RHOBTB1: variants seen among roughly 807,000 people sequenced by gnomAD.
RHOBTB1 encodes the protein Rho related BTB domain containing 1.
RHOBTB1 carries 40 observed loss-of-function variants against 71.6 expected under a neutral mutation model. The ratio of observed to expected loss-of-function variants is 0.56; its 90% confidence interval spans 0.43 to 0.73. The LOEUF (loss-of-function observed/expected upper bound fraction) is 0.73. Among genes scored for constraint, RHOBTB1 ranks in the 30% least tolerant of loss-of-function variants. RHOBTB1 has a pLI of 0.00. For synonymous variants in RHOBTB1, 319 were observed against 334.9 expected, an observed-to-expected ratio of 0.95 and a Z score of 0.52; for missense variants, 797 against 894.0, an observed-to-expected ratio of 0.89 and a Z score of 1.38.
At chr10:60,966,863 G>C (rs2134607333) in intron 2 of RHOBTB1, among the ~76,000 whole-genome samples, 1 of 145,942 alleles carries the variant, frequency 6.9e-6, no homozygotes, top group South Asian at 2.2e-4. Context: ...ACAGGCCCCA[G>C]TGTGTGATGT....
intron 2 of RHOBTB1, among the ~76,000 whole-genome samples, chr10:60,984,226 A>G (rs2086591746): frequency 6.6e-6 from 1 of 152,244 alleles, no homozygotes; most frequent in East Asian, 1.9e-4. Context: ...TCAAAGCAAA[A>G]AAATCATTGA....
intron 4 of RHOBTB1, among the ~76,000 whole-genome samples, chr10:60,901,469 C>T (rs2082410348): frequency 6.6e-6 from 1 of 152,106 alleles, no homozygotes; most frequent in African/African-American, 2.4e-5. Flanking sequence ...TGGCAGAACA[C>T]TTTCATCAAG....
At chr10:60,880,177 C>CTGTGTGTGTGTGTGTGTG (rs1554829436) in intron 7 of RHOBTB1, among the ~76,000 whole-genome samples, 3 of 100,558 alleles carry the variant, frequency 3.0e-5, no homozygotes, top group Non-Finnish European at 6.0e-5. Flanking sequence ...TGAGGGATGA[C>CTGTGTGTGTGTGTGTGTG]TGTGTGTGTG....
chr10:60,985,691 G>A (rs746284601), intron 2 of RHOBTB1, among the ~76,000 whole-genome samples: 5 of 152,034 alleles, frequency 3.3e-5, no homozygotes, highest in South Asian at 2.1e-4. Context: ...ACTAAAAAAC[G>A]AAATATTTCT....
intron 1 of RHOBTB1, among the ~76,000 whole-genome samples, chr10:60,995,571 A>T (rs2087020777): frequency 6.6e-6 from 1 of 152,244 alleles, no homozygotes; most frequent in Admixed American, 6.5e-5. Flanking sequence ...AAGATGGCAA[A>T]CCTGCTATTA....
At chr10:60,947,788 G>A (rs755092817), upstream of RHOBTB1, among the ~76,000 whole-genome samples, 50 of 152,098 alleles carry the variant, frequency 3.3e-4, no homozygotes, top group Admixed American at 5.9e-4. Context: ...AAACACTTCC[G>A]TAAACATTTG....
chr10:60,913,008 A>G (rs111654051), intron 2 of RHOBTB1: 6 of 152,350 alleles, frequency 3.9e-5, no homozygotes, highest in African/African-American at 1.2e-4. Flanking sequence ...GCTATGGTAA[A>G]GAAACTGTTC....
chr10:60,954,763 A>T (rs2085527975), intron 2 of RHOBTB1, among the ~76,000 whole-genome samples: 1 of 152,196 alleles, frequency 6.6e-6, no homozygotes, highest in African/African-American at 2.4e-5. Flanking sequence ...ATAAAAGGAG[A>T]TAAGTTGGTC....
intron 2 of RHOBTB1, among the ~76,000 whole-genome samples, chr10:60,916,870 C>A (rs946602238): frequency 3.3e-5 from 5 of 152,186 alleles, no homozygotes; most frequent in African/African-American, 1.2e-4. Context: ...CACGATGGTC[C>A]TTTAAATGCG....
chr10:60,988,406 T>C (rs2086743046), intron 1 of RHOBTB1, among the ~76,000 whole-genome samples: 1 of 152,046 alleles, frequency 6.6e-6, no homozygotes, highest in Non-Finnish European at 1.5e-5. Flanking sequence ...ATTTTCCTGT[T>C]ACCCAGGTAG....
intron 2 of RHOBTB1, among the ~76,000 whole-genome samples, chr10:60,916,405 C>T (rs972273290): frequency 5.3e-5 from 8 of 152,178 alleles, no homozygotes; most frequent in African/African-American, 1.9e-4. Flanking sequence ...TGAATGAGCC[C>T]AGGTGAAACC....
upstream of RHOBTB1, among the ~76,000 whole-genome samples, chr10:60,945,163 A>G (rs1297913583): frequency 6.6e-6 from 1 of 152,252 alleles, no homozygotes; most frequent in Non-Finnish European, 1.5e-5. Context: ...GCCTGCCATC[A>G]GGGAGCTTTC....
At chr10:60,867,022 T>C (rs2080637936), downstream of RHOBTB1, among the ~76,000 whole-genome samples, 1 of 152,170 alleles carries the variant, frequency 6.6e-6, no homozygotes, top group African/African-American at 2.4e-5. Context: ...TTCATTTGTG[T>C]TTCGCTTCCA....
At chr10:60,942,311 G>A (rs2084942028) in intron 1 of RHOBTB1, among the ~76,000 whole-genome samples, 1 of 152,058 alleles carries the variant, frequency 6.6e-6, no homozygotes, top group South Asian at 2.1e-4. Flanking sequence ...TTGTATTATT[G>A]AGCCAATAAC....
At chr10:60,926,876 TCAGAG>T (rs905172713) in intron 2 of RHOBTB1, among the ~76,000 whole-genome samples, 2 of 152,122 alleles carry the variant, frequency 1.3e-5, no homozygotes, top group Non-Finnish European at 2.9e-5. Flanking sequence ...GAAATTCTAG[TCAGAG>T]CAATTGGACA....
rs556032350 is a variant in RHOBTB1 at position 60,902,921 on chromosome 10, C to T, written c.296+7966G>A. ...TCCTACAAGACACCAGGCCACGTAT[C>T]GGGGATAGAAAATAGAAAGACAAAA... On this transcript the variant is annotated intron_variant, in intron 4 of 10. Transcript: ENST00000337910. 2.3e-4 allele frequency among the ~76,000 whole-genome samples: 35 copies of T among 152,218 alleles called. No individual in the cohort carries two copies. The South Asian group carries it at 3.5e-3, about 15-fold the overall frequency.
intron 2 of RHOBTB1, among the ~76,000 whole-genome samples, chr10:60,955,662 C>T (rs1050979130): frequency 1.3e-5 from 2 of 152,128 alleles, no homozygotes; most frequent in East Asian, 1.9e-4. Flanking sequence ...AGAGAGGCAG[C>T]TGACTCAGTG....
chr10:60,940,562 C>T (rs2084848033), intron 2 of RHOBTB1, among the ~76,000 whole-genome samples: 1 of 152,158 alleles, frequency 6.6e-6, no homozygotes, highest in Admixed American at 6.5e-5. Context: ...CCAAATTATG[C>T]TTTCTCAAAG....
chr10:60,939,043 C>A (rs1045451985), intron 2 of RHOBTB1, among the ~76,000 whole-genome samples: 3 of 152,078 alleles, frequency 2.0e-5, no homozygotes, highest in Non-Finnish European at 4.4e-5. Flanking sequence ...TGGGAACTTG[C>A]CATTAACCTG....
Sources: allele counts gnomAD v4.1 joint callset (sites outside exome capture counted in the v4.1 genomes callset), GRCh38; gene constraint gnomAD v4.1.1; transcripts MANE v1.5; gene names NCBI Gene and HGNC (gene_info 2026-07-23, HGNC 2026-07-21).